PUS7L: variants seen among roughly 807,000 people sequenced by gnomAD.
PUS7L encodes pseudouridine synthase 7 like.
PUS7L carries 49 observed loss-of-function variants against 51.1 expected under a neutral mutation model. That is an observed-to-expected ratio of 0.96 (90% CI 0.76 to 1.22). The LOEUF is 1.22. Ranked by LOEUF, PUS7L falls within the 50% of genes most tolerant of loss-of-function variation. The pLI is 0.00. For synonymous variants in PUS7L, 277 were observed against 276.2 expected (o/e 1.00, Z -0.03); for missense variants, 828 against 820.6 (o/e 1.01, Z -0.11).
Position 43,748,574 on chromosome 12 carries a change from C to A in PUS7L, c.946G>T (p.Glu316Ter). ...TTGATAGCTAAAAAACCAATCGCTT[C>A]AAACATTTCCAGGTTTTCCTTTCGT... ...TLRKENLEMF[E>*]AIGFLAIKLG... Residue 316 changes from glutamate to a stop codon, truncating the protein, a stop_gained, in exon 3 of 9, where the codon GAA (glutamate) becomes TAA (stop). Coordinates refer to ENST00000344862, the MANE Select transcript of PUS7L (RefSeq NM_031292.5). LOFTEE classifies it high-confidence loss of function. The A allele has an allele frequency of 6.3e-7, 1 of 1,598,072 alleles. No homozygotes were observed. The highest frequency in any genetic ancestry group is 8.5e-7 in the Non-Finnish European group (1 of 1,176,032).
chr12:43,727,027 G>C lies in PUS7L; in HGVS notation c.*3349C>G, dbSNP rs368876046. The C allele has an allele frequency of 2.0e-5, 3 of 152,192 alleles. No homozygotes were observed. Among genetic ancestry groups the C allele is most frequent in the South Asian group, 4.1e-4 (2 of 4,820 alleles). 9.4% of individuals were successfully genotyped at this position (152,192 alleles called of 1,614,324 possible). The stretch of plus-strand genomic sequence containing the variant: ...ATTATCCCATTAAAAACGGAAGAAA[G>C]GACATGAACAGACACTTCTCAAAAG... On this transcript the variant is annotated 3_prime_UTR_variant, in exon 9 of 9. Coordinates refer to ENST00000344862, the MANE Select transcript of PUS7L (RefSeq NM_031292.5).
chr12:43,736,336 G>A (rs1565631504), intron 7 of PUS7L, 45 bp downstream of exon 7: 3 of 1,532,780 alleles, frequency 2.0e-6, no homozygotes, highest in Non-Finnish European at 2.7e-6. Context: ...TTCATGTTCT[G>A]GTATAGTAAC....
rs562899146 is a variant in PUS7L, at chr12:43,725,291, C to A, written c.*5085G>T. The A allele has an allele frequency of 1.3e-5, 2 of 152,134 alleles. No homozygotes were observed. Among genetic ancestry groups the A allele is most frequent in the Non-Finnish European group, 2.9e-5 (2 of 68,038 alleles). The allele number at this position is 152,134 out of a possible 1,614,324, so 9.4% of individuals were successfully genotyped here. A position where few individuals can be genotyped will look rare whatever the true frequency, so the allele number is the denominator to read the frequency against. On this transcript the variant is annotated 3_prime_UTR_variant, in exon 9 of 9. Coordinates refer to ENST00000344862, the MANE Select transcript of PUS7L (RefSeq NM_031292.5). ...TGATTTGGGGATTTCCTGAAGGGAT[C>A]CCCTTTACTTTATATTTTGGTCTCA...
rs1290478046 is a variant in PUS7L at position 43,719,278 on chromosome 12, C to CA, written c.*11097dup. 1 of 151,998 alleles carries CA rather than the reference C, an allele frequency of 6.6e-6. No individual in the cohort carries two copies. Among genetic ancestry groups the CA allele is most frequent in the African/African-American group, 2.4e-5 (1 of 41,380 alleles). The allele number at this position is 151,998 out of a possible 1,614,324, so 9.4% of individuals were successfully genotyped here. ...ACACAGATATGTACAATTCCATTCA[C>CA]ATAAAATTCAAAATCAGACAAAACT... is the stretch of plus-strand genomic sequence containing the variant. On this transcript the variant is annotated 3_prime_UTR_variant, in exon 9 of 9. Transcript: ENST00000344862.
In PUS7L at chr12:43,721,229, T is replaced by C. The variant is rs1944393610; in HGVS notation, c.*9147A>G. ...GCCCTTAAAACCAAAAAGGGCCAGG[T>C]TAGACTCTCTTTACAATCTAGAGGA... On this transcript the variant is annotated 3_prime_UTR_variant, in exon 9 of 9. Transcript: ENST00000344862. 6.6e-6 allele frequency: 1 copy of C among 152,126 alleles called. No individual in the cohort carries two copies. Among genetic ancestry groups the C allele is most frequent in the South Asian group, 2.1e-4 (1 of 4,824 alleles). 9.4% of individuals were successfully genotyped at this position (152,126 alleles called of 1,614,324 possible).
rs10880558 is a variant in PUS7L, at chr12:43,738,447, T to A, written c.1363-56A>T. The A allele has an allele frequency of 0.13, 120,194 of 903,478 alleles. 10,391 individuals carry two copies. Among genetic ancestry groups the A allele is most frequent in the African/African-American group, 0.38 (22,315 of 59,262 alleles). 56.0% of individuals were successfully genotyped at this position (903,478 alleles called of 1,614,324 possible). A position where few individuals can be genotyped will look rare whatever the true frequency, so the allele number is the denominator to read the frequency against. On this transcript the variant is annotated intron_variant, in intron 5 of 8. Transcript: ENST00000344862. ...AATGAAAATGTCAAATTACTTTCTT[T>A]AAAAAAAGATGCAAATTCTCTAGCA...
At position 43,741,025 on chromosome 12, in the gene PUS7L, C is replaced by G. The variant is rs1194994016; in HGVS notation, c.1362+1432G>C. On this transcript the variant is annotated intron_variant, in intron 5 of 8. Coordinates refer to ENST00000344862, the MANE Select transcript of PUS7L (RefSeq NM_031292.5). ...ACTCAGCTAAGCTGCTCCCAAATTC[C>G]TGACTCTCAGAAACTGAGATAATAA... 3 of 152,190 alleles carry G rather than the reference C, an allele frequency of 2.0e-5. No individual in the cohort carries two copies. In the East Asian group the frequency reaches 5.8e-4, roughly 29 times the overall value. 9.4% of individuals were successfully genotyped at this position (152,190 alleles called of 1,614,324 possible).
chr12:43,748,581 T>C lies in PUS7L; in HGVS notation c.939A>G (p.Glu313=). The change falls in exon 3 of 9, where the codon GAA becomes GAG. Residue 313 remains glutamate, a synonymous_variant. Coordinates refer to ENST00000344862, the MANE Select transcript of PUS7L (RefSeq NM_031292.5). ...TAFTLRKENL[E]MFEAIGFLAI... Reference sequence around the variant, plus strand: ...CTAAAAAACCAATCGCTTCAAACATTTCCAGGTTTTCCTTTCGTAGGGTAA... The same window carrying C: ...CTAAAAAACCAATCGCTTCAAACATCTCCAGGTTTTCCTTTCGTAGGGTAA... The C allele has an allele frequency of 3.1e-6, 5 of 1,589,666 alleles. No individual in the cohort carries two copies. In the African/African-American group the frequency reaches 4.1e-5, roughly 13 times the overall value.
chr12:43,731,858 A>T, intron 7 of PUS7L, 100 bp from the exon 8 acceptor site: 2 of 693,428 alleles, frequency 2.9e-6, no homozygotes, highest in Non-Finnish European at 5.1e-6. Context: ...ATCAGTTCCT[A>T]TGCTGAATAT....
rs907126510 is a variant in PUS7L at position 43,722,810 on chromosome 12, C to G, written c.*7566G>C. ...TGAAAAACTCAGAATCCTGACTTAA[C>G]TAGTCTAAGGAAATGCCAGTAAGGC... On this transcript the variant is annotated 3_prime_UTR_variant, in exon 9 of 9. Coordinates refer to ENST00000344862, the MANE Select transcript of PUS7L (RefSeq NM_031292.5). 3.9e-5 allele frequency: 6 copies of G among 152,072 alleles called. No individual in the cohort carries two copies. Among genetic ancestry groups the G allele is most frequent in the Non-Finnish European group, 5.9e-5 (4 of 67,982 alleles). The allele number at this position is 152,072 out of a possible 1,614,324, so 9.4% of individuals were successfully genotyped here. A position where few individuals can be genotyped will look rare whatever the true frequency, so the allele number is the denominator to read the frequency against.
chr12:43,736,967 A>C (rs746686425), intron 6 of PUS7L, among the ~76,000 whole-genome samples: 5 of 152,220 alleles, frequency 3.3e-5, no homozygotes, highest in Non-Finnish European at 7.3e-5. Context: ...GGACTGTTAA[A>C]ACAAAATCAA....
intron 5 of PUS7L, 29 bp downstream of exon 5, chr12:43,742,428 G>T: frequency 1.3e-6 from 2 of 1,484,816 alleles, no homozygotes; most frequent in Non-Finnish European, 1.9e-6. Context: ...GACAGAAACA[G>T]ATAAGATTAC....
At chr12:43,743,067 C>A (rs1937984510) in intron 4 of PUS7L, among the ~76,000 whole-genome samples, 1 of 152,168 alleles carries the variant, frequency 6.6e-6, no homozygotes. Context: ...GACAATGGAG[C>A]CACTTCAGCA....
At chr12:43,753,457 T>G (rs1476414116) in intron 2 of PUS7L, among the ~76,000 whole-genome samples, 1 of 152,240 alleles carries the variant, frequency 6.6e-6, no homozygotes, top group African/African-American at 2.4e-5. Context: ...CAAACTCTTT[T>G]CATTTGCACC....
chr12:43,741,667 C>T (rs985079386), intron 5 of PUS7L, among the ~76,000 whole-genome samples: 2 of 152,144 alleles, frequency 1.3e-5, no homozygotes, highest in Non-Finnish European at 2.9e-5. Flanking sequence ...GCTAAAATCT[C>T]CTTTGAAATG....
chr12:43,745,312 G>A (rs1259506048), intron 4 of PUS7L, among the ~76,000 whole-genome samples: 2 of 152,174 alleles, frequency 1.3e-5, no homozygotes, highest in Non-Finnish European at 2.9e-5. Flanking sequence ...ATGTTTGGCT[G>A]TGTCCCCACC....
rs1227074105 is a variant in PUS7L at position 43,755,048 on chromosome 12, A to G, written c.198T>C (p.Asn66=). 4 of 1,612,806 alleles carry G rather than the reference A, an allele frequency of 2.5e-6. No homozygotes were observed. Among genetic ancestry groups the G allele is most frequent in the Non-Finnish European group, 3.4e-6 (4 of 1,179,504 alleles). The change falls in exon 2 of 9, where the codon AAT becomes AAC. Residue 66 remains asparagine, a synonymous_variant. Coordinates refer to ENST00000344862, the MANE Select transcript of PUS7L (RefSeq NM_031292.5). ...KISEIQLEPN[N]FPKKPKLDLQ... ...GATCTAGTTTTGGTTTTTTGGGAAA[A>G]TTATTTGGCTCAAGTTGTATTTCAC...
Position 43,730,720 on chromosome 12 carries a change from G to A in PUS7L, c.1780-18C>T. ...AGAACCACCTGTGAAAGAAAAGAGGGAAAAAATATGAAAATAGCCTTCAAA... is the reference window on the plus strand; with the variant it reads ...AGAACCACCTGTGAAAGAAAAGAGGAAAAAAATATGAAAATAGCCTTCAAA... On this transcript the variant is annotated intron_variant, in intron 8 of 8. Transcript: ENST00000344862. The A allele has an allele frequency of 6.7e-7, 1 of 1,485,116 alleles. No homozygotes were observed. The highest frequency in any genetic ancestry group is 9.3e-7 in the Non-Finnish European group (1 of 1,079,856). The allele number at this position is 1,485,116 out of a possible 1,614,324, so 92.0% of individuals were successfully genotyped here.
chr12:43,738,570 C>A (rs919962628), intron 5 of PUS7L, among the ~76,000 whole-genome samples, 179 bp from the exon 6 acceptor site: 1 of 152,134 alleles, frequency 6.6e-6, no homozygotes, highest in Middle Eastern at 3.4e-3. Context: ...TAGAAATAAG[C>A]CTTCTGCATG....
Sources: allele counts gnomAD v4.1 joint callset (sites outside exome capture counted in the v4.1 genomes callset), GRCh38; gene constraint gnomAD v4.1.1; transcripts MANE v1.5; gene names NCBI Gene and HGNC (gene_info 2026-07-23, HGNC 2026-07-21).